Variants in EDIL3 observed in about 807,000 individuals in gnomAD.
EDIL3 encodes the protein EGF like and discoidin domains 3.
A neutral mutation model predicts 67.4 loss-of-function variants in EDIL3; 37 were observed. The ratio of observed to expected loss-of-function variants is 0.55; its 90% confidence interval spans 0.42 to 0.72. The LOEUF (loss-of-function observed/expected upper bound fraction) is 0.72, where lower values mean the gene tolerates loss of function less well. Ranked by LOEUF, EDIL3 falls within the 30% of genes least tolerant of loss-of-function variation. The pLI, the probability that EDIL3 is intolerant of heterozygous loss-of-function variation, is 0.00. For synonymous variants in EDIL3, 195 were observed against 196.3 expected (o/e 0.99, Z 0.05); for missense variants, 527 against 586.3 (o/e 0.90, Z 1.04).
intron 1 of EDIL3, among the ~76,000 whole-genome samples, chr5:84,364,191 A>G (rs937798192): frequency 6.6e-5 from 10 of 152,198 alleles, no homozygotes; most frequent in Non-Finnish European, 1.5e-4. Flanking sequence ...AGGTTCTGAA[A>G]TCATTTCCTG....
intron 1 of EDIL3, among the ~76,000 whole-genome samples, chr5:84,275,642 A>G (rs1351252782): frequency 6.6e-6 from 1 of 152,174 alleles, no homozygotes; most frequent in East Asian, 1.9e-4. Context: ...ACTCTCTGGG[A>G]GTTCTTTAGC....
At chr5:84,195,217 C>T (rs538707083) in intron 3 of EDIL3, among the ~76,000 whole-genome samples, 110 of 151,878 alleles carry the variant, frequency 7.2e-4, no homozygotes, top group African/African-American at 2.5e-3. Context: ...TATGAAAGCC[C>T]ATTAGTGTAC....
chr5:83,975,792 G>C (rs1744867762), intron 9 of EDIL3, among the ~76,000 whole-genome samples: 1 of 151,796 alleles, frequency 6.6e-6, no homozygotes, highest in African/African-American at 2.4e-5. Flanking sequence ...GACACTAAAA[G>C]TATAATATCA....
At chr5:84,332,206 A>C (rs981165449) in intron 1 of EDIL3, among the ~76,000 whole-genome samples, 1 of 152,104 alleles carries the variant, frequency 6.6e-6, no homozygotes, top group Non-Finnish European at 1.5e-5. Flanking sequence ...CCTCTTTACA[A>C]AAAATAAAAC....
At chr5:84,012,517 CTT>C (rs1449870665) in intron 9 of EDIL3, among the ~76,000 whole-genome samples, 5 of 151,994 alleles carry the variant, frequency 3.3e-5, no homozygotes, top group African/African-American at 1.2e-4. Flanking sequence ...AAAACAAACT[CTT>C]TTCATTTCAG....
At chr5:84,154,418 T>TA (rs1021363122) in intron 4 of EDIL3, among the ~76,000 whole-genome samples, 2 of 151,782 alleles carry the variant, frequency 1.3e-5, no homozygotes, top group African/African-American at 2.4e-5. Context: ...TAGAATCAAG[T>TA]AAAAAAAAGT....
At chr5:84,256,775 G>A (rs1157843954) in intron 1 of EDIL3, among the ~76,000 whole-genome samples, 1 of 152,084 alleles carries the variant, frequency 6.6e-6, no homozygotes. Flanking sequence ...AGGAGGTTGG[G>A]CCGAGGGAAA....
At chr5:84,086,043 G>A (rs1190696291) in intron 6 of EDIL3, among the ~76,000 whole-genome samples, 1 of 152,144 alleles carries the variant, frequency 6.6e-6, no homozygotes, top group East Asian at 1.9e-4. Flanking sequence ...CTTCATTCAG[G>A]CTGCTGTGCT....
chr5:84,269,274 T>G (rs1745414601), intron 1 of EDIL3, among the ~76,000 whole-genome samples: 1 of 152,188 alleles, frequency 6.6e-6, no homozygotes, highest in Admixed American at 6.5e-5. Context: ...TCAAAATTTA[T>G]ATGTAGTTCT....
intron 3 of EDIL3, among the ~76,000 whole-genome samples, chr5:84,207,056 C>A (rs1443951677): frequency 1.3e-5 from 2 of 152,058 alleles, no homozygotes; most frequent in Admixed American, 6.6e-5. Flanking sequence ...GGCAATTAGG[C>A]AGGAGAAGGA....
intron 1 of EDIL3, among the ~76,000 whole-genome samples, chr5:84,376,874 C>T (rs1003597201): frequency 1.3e-5 from 2 of 152,146 alleles, no homozygotes; most frequent in African/African-American, 2.4e-5. Flanking sequence ...CATTAAAGCA[C>T]TGCGAATGGT....
At position 83,943,316 on chromosome 5, in the gene EDIL3, A is replaced by G; in HGVS notation, c.*103T>C. ...CATAATTTGAGCACTTTTTCATGAA[A>G]AAAAAAAAAAAACCATTCAGTTTCC... is the stretch of plus-strand genomic sequence containing the variant. On this transcript the variant is annotated 3_prime_UTR_variant, in exon 11 of 11. Transcript: ENST00000296591. 7.1e-7 allele frequency: 1 copy of G among 1,414,690 alleles called. No individual in the cohort carries two copies. Among genetic ancestry groups the G allele is most frequent in the Non-Finnish European group, 9.5e-7 (1 of 1,055,000 alleles). The allele number at this position is 1,414,690 out of a possible 1,614,324, so 87.6% of individuals were successfully genotyped here.
chr5:83,992,922 A>G (rs76036615), intron 9 of EDIL3, among the ~76,000 whole-genome samples: 6,679 of 152,012 alleles, frequency 0.044, 190 homozygotes, highest in Non-Finnish European at 0.062. Context: ...TCTTCTGGAT[A>G]AGTAATATGA....
chr5:84,118,144 C>A (rs1458545555), intron 5 of EDIL3, among the ~76,000 whole-genome samples: 1 of 151,958 alleles, frequency 6.6e-6, no homozygotes, highest in Non-Finnish European at 1.5e-5. Flanking sequence ...GAAAGTATCT[C>A]ATTAATTGAA....
Position 84,340,530 on chromosome 5 carries a change from CTCTCTATATATATATA to C in EDIL3, c.67+43762_67+43777del, listed in dbSNP as rs1159947311. ...TCTCTCTCTCTCTCTCTCTCTCTCTCTCTCTATATATATATATATATATATATATATATATATATAT... is the reference window on the plus strand; with the variant it reads ...TCTCTCTCTCTCTCTCTCTCTCTCTCTATATATATATATATATATATATAT... On this transcript the variant is annotated intron_variant, in intron 1 of 10. Coordinates refer to ENST00000296591, the MANE Select transcript of EDIL3 (RefSeq NM_005711.5). 1.1e-3 allele frequency among the ~76,000 whole-genome samples: 75 copies of C among 69,812 alleles called. 1 individual carries two copies. Among genetic ancestry groups the C allele is most frequent in the South Asian group, 1.2e-3 (2 of 1,624 alleles). 45.8% of individuals were successfully genotyped at this position (69,812 alleles called of 152,430 possible).
chr5:84,322,523 C>T (rs1746670042), intron 1 of EDIL3, among the ~76,000 whole-genome samples: 2 of 151,870 alleles, frequency 1.3e-5, no homozygotes, highest in South Asian at 4.2e-4. Context: ...ATAAGTGAGT[C>T]TGAATAAAAT....
chr5:84,252,501 A>AAAAAAAAAAAAAAAAAAAAAAAAC, intron 2 of EDIL3, among the ~76,000 whole-genome samples: 1 of 143,434 alleles, frequency 7.0e-6, no homozygotes, highest in Non-Finnish European at 1.5e-5. Context: ...CTCAAAAAAA[A>AAAAAAAAAAAAAAAAAAAAAAAAC]AAAAAAAAAA....
In EDIL3 at chr5:84,285,110, T is replaced by C. The variant is rs190902303; in HGVS notation, c.68-30898A>G. ...TATATTTGAACCATATACGTAAATA[T>C]GCATAACAGTAAATTTGAATGTTCT... On this transcript the variant is annotated intron_variant, in intron 1 of 10. Transcript: ENST00000296591. Among the ~76,000 whole-genome samples the C allele has an allele frequency of 3.3e-5, 5 of 152,310 alleles. No homozygotes were observed. In the East Asian group the frequency reaches 7.7e-4, roughly 24 times the overall value.
intron 2 of EDIL3, among the ~76,000 whole-genome samples, chr5:84,235,114 G>C (rs573142820): frequency 6.6e-6 from 1 of 152,198 alleles, no homozygotes; most frequent in South Asian, 2.1e-4. Flanking sequence ...AGAGAGGTTT[G>C]GGTTAATTTG....
Sources: allele counts gnomAD v4.1 joint callset (sites outside exome capture counted in the v4.1 genomes callset), GRCh38; gene constraint gnomAD v4.1.1; transcripts MANE v1.5; gene names NCBI Gene and HGNC (gene_info 2026-07-23, HGNC 2026-07-21).